AGMO: variants seen among roughly 807,000 people sequenced by gnomAD.
AGMO encodes glyceryl-ether monooxygenase.
A neutral mutation model predicts 60.2 loss-of-function variants in AGMO; 75 were observed. The ratio of observed to expected loss-of-function variants is 1.25; its 90% CI spans 1.03 to 1.51. The LOEUF is 1.51. Ranked by LOEUF, AGMO falls within the 40% of genes most tolerant of loss-of-function variation. AGMO has a pLI of 0.00. For missense variants in AGMO, 763 were observed against 525.5 expected (o/e 1.45, Z -4.42); for synonymous variants, 261 against 177.1 (o/e 1.47, Z -3.76).
chr7:15,240,646 C>T (rs1266938506), intron 12 of AGMO, among the ~76,000 whole-genome samples: 1 of 152,070 alleles, frequency 6.6e-6, no homozygotes, highest in East Asian at 1.9e-4. Flanking sequence ...ATAACTTTTA[C>T]AATCACTCTC....
the AGMO span, among the ~76,000 whole-genome samples, chr7:15,173,415 T>G: frequency 6.6e-6 from 1 of 152,190 alleles, no homozygotes; most frequent in African/African-American, 2.4e-5. Context: ...GCATTTTATA[T>G]AGTATTGATT....
At chr7:15,355,953 A>G (rs889217492) in intron 12 of AGMO, among the ~76,000 whole-genome samples, 6 of 142,648 alleles carry the variant, frequency 4.2e-5, no homozygotes, top group African/African-American at 1.7e-4. Flanking sequence ...CAGAAAAGGA[A>G]ACACAAATTC....
chr7:15,383,907 G>C (rs754102919), intron 10 of AGMO, among the ~76,000 whole-genome samples: 1 of 151,838 alleles, frequency 6.6e-6, no homozygotes, highest in African/African-American at 2.4e-5. Context: ...TTAGCACTGT[G>C]TAATGGATGA....
chr7:15,474,616 C>T (rs1419794509), intron 3 of AGMO, among the ~76,000 whole-genome samples: 1 of 152,088 alleles, frequency 6.6e-6, no homozygotes, highest in Non-Finnish European at 1.5e-5. Flanking sequence ...CTAGGCAACA[C>T]CATCAAGGAC....
the AGMO span, among the ~76,000 whole-genome samples, chr7:15,149,846 G>GA: frequency 3.9e-5 from 6 of 152,036 alleles, no homozygotes; most frequent in East Asian, 1.9e-4. Context: ...TTAATTCTGT[G>GA]AAAAAAATGA....
At chr7:15,203,644 T>C (rs1244733477) in intron 12 of AGMO, among the ~76,000 whole-genome samples, 4 of 152,206 alleles carry the variant, frequency 2.6e-5, no homozygotes, top group Admixed American at 6.5e-5. Flanking sequence ...GCCAGCACTG[T>C]CCCACATGCC....
chr7:15,371,181 CAATT>C (rs1041320206), intron 10 of AGMO, among the ~76,000 whole-genome samples: 1 of 151,988 alleles, frequency 6.6e-6, no homozygotes, highest in African/African-American at 2.4e-5. Context: ...AACATTAATA[CAATT>C]AATCAATAAT....
intron 10 of AGMO, among the ~76,000 whole-genome samples, chr7:15,367,524 A>T (rs1583465003): frequency 6.6e-6 from 1 of 152,112 alleles, no homozygotes; most frequent in African/African-American, 2.4e-5. Flanking sequence ...TTACACAGAA[A>T]GTAAATAACG....
At chr7:15,377,833 TAAAC>T (rs893781254) in intron 10 of AGMO, among the ~76,000 whole-genome samples, 7 of 151,972 alleles carry the variant, frequency 4.6e-5, no homozygotes, top group African/African-American at 1.5e-4. Context: ...AGACCTTACT[TAAAC>T]AAATATGAAG....
At chr7:15,408,553 G>T (rs959085339) in intron 5 of AGMO, among the ~76,000 whole-genome samples, 7 of 151,838 alleles carry the variant, frequency 4.6e-5, no homozygotes, top group African/African-American at 1.7e-4. Context: ...GTGAATGGCT[G>T]TGTTATTAAC....
At chr7:15,216,629 A>G (rs181067812) in intron 12 of AGMO, among the ~76,000 whole-genome samples, 1 of 152,248 alleles carries the variant, frequency 6.6e-6, no homozygotes, top group East Asian at 1.9e-4. Flanking sequence ...TATAATAACA[A>G]AACTCATTTG....
intron 3 of AGMO, among the ~76,000 whole-genome samples, chr7:15,452,348 C>G (rs1472282677): frequency 6.6e-6 from 1 of 151,948 alleles, no homozygotes; most frequent in Non-Finnish European, 1.5e-5. Flanking sequence ...TGATAAAGGT[C>G]TAGTATTTGG....
chr7:15,459,601 G>GTGTGTGTGTGTT (rs1340992302), intron 3 of AGMO, among the ~76,000 whole-genome samples: 1 of 150,100 alleles, frequency 6.7e-6, no homozygotes, highest in Non-Finnish European at 1.5e-5. Flanking sequence ...ATGTGCGTTT[G>GTGTGTGTGTGTT]TGTGTGTGTG....
Position 15,289,620 on chromosome 7 carries a change from ATAT to A in AGMO, c.1263+75891_1263+75893del, listed in dbSNP as rs1409502492. The stretch of plus-strand genomic sequence containing the variant: ...AGTTTATAATATTTTTTAATAATAG[ATAT>A]TATAAGTTTATCTATGGAATATTCA... On this transcript the variant is annotated intron_variant, in intron 12 of 12. Transcript: ENST00000342526. Among the ~76,000 whole-genome samples the A allele has an allele frequency of 1.3e-4, 20 of 152,112 alleles. No homozygotes were observed. In the East Asian group the frequency reaches 3.7e-3, roughly 28 times the overall value.
intron 3 of AGMO, among the ~76,000 whole-genome samples, chr7:15,482,749 C>G (rs144455057): frequency 5.3e-5 from 8 of 152,164 alleles, no homozygotes; most frequent in Admixed American, 3.3e-4. Flanking sequence ...ATATATCAGC[C>G]TATGTAATGA....
At position 15,390,612 on chromosome 7, in the gene AGMO, T is replaced by TAA. The variant is rs774529008; in HGVS notation, c.822+57_822+58dup. The TAA allele has an allele frequency of 8.9e-4, 1,194 of 1,334,838 alleles. 2 individuals carry two copies. The highest frequency in any genetic ancestry group is 1.2e-3 in the Non-Finnish European group (1,122 of 965,302). 82.7% of individuals were successfully genotyped at this position (1,334,838 alleles called of 1,614,324 possible). A position where few individuals can be genotyped will look rare whatever the true frequency, so the allele number is the denominator to read the frequency against. ...ACTTTTCTACAGCTGATTTTTCTCT[T>TAA]AACTATAAGATTTATGAAATGATAT... On this transcript the variant is annotated intron_variant, in intron 8 of 12. Coordinates refer to ENST00000342526, the MANE Select transcript of AGMO (RefSeq NM_001004320.2).
chr7:15,337,646 G>A (rs1459399943), intron 12 of AGMO, among the ~76,000 whole-genome samples: 2 of 152,174 alleles, frequency 1.3e-5, no homozygotes, highest in Non-Finnish European at 2.9e-5. Flanking sequence ...CAACCCACCT[G>A]CTCACCCTCA....
chr7:15,516,849 G>C (rs142816328), intron 3 of AGMO, among the ~76,000 whole-genome samples: 1 of 151,868 alleles, frequency 6.6e-6, no homozygotes, highest in East Asian at 1.9e-4. Context: ...ATTCCTTCTG[G>C]CTCTGGAGAG....
chr7:15,177,055 A>G, the AGMO span, among the ~76,000 whole-genome samples: 2 of 152,178 alleles, frequency 1.3e-5, 1 homozygote, highest in South Asian at 4.1e-4. Context: ...AGAATTTCAT[A>G]AACATAAAAA....
Sources: gnomAD v4.1 joint callset for allele counts (sites outside exome capture counted in the v4.1 genomes callset) on GRCh38, gnomAD v4.1.1 for gene constraint, MANE v1.5 for transcripts, NCBI Gene and HGNC (gene_info 2026-07-23, HGNC 2026-07-21) for gene names.